The following CDH3 variants were observed in gnomAD, a reference collection of about 807,000 sequenced individuals.
CDH3 encodes the protein cadherin-3.
A neutral mutation model predicts 82.0 loss-of-function variants in CDH3; 54 were observed. The observed-to-expected ratio is 0.66, with a 90% CI of 0.53 to 0.83. The LOEUF (loss-of-function observed/expected upper bound fraction) is 0.83, where lower values mean the gene tolerates loss of function less well. CDH3 is among the 40% of genes least tolerant of loss of function. The pLI is 0.00. For synonymous variants in CDH3, 446 were observed against 437.9 expected (o/e 1.02, Z -0.23); for missense variants, 1,054 against 1,084.6 (o/e 0.97, Z 0.40).
intron 11 of CDH3, among the ~76,000 whole-genome samples, 195 bp downstream of exon 11, chr16:68,685,545 C>A (rs1363856444): frequency 6.6e-6 from 1 of 152,210 alleles, no homozygotes; most frequent in East Asian, 1.9e-4. Context: ...GTGGCTCATG[C>A]CTGTAATCCC....
At chr16:68,678,723 G>T (rs1357876841) in intron 5 of CDH3, 39 bp from the exon 6 acceptor site, 1 of 1,614,088 alleles carries the variant, frequency 6.2e-7, no homozygotes, top group Admixed American at 1.7e-5. Flanking sequence ...TGGTGAGGTG[G>T]GTGGCACCGG....
chr16:68,658,591 CTTG>C (rs141638403), intron 2 of CDH3, among the ~76,000 whole-genome samples: 4,107 of 152,142 alleles, frequency 0.027, 182 homozygotes, highest in African/African-American at 0.093. Flanking sequence ...CGTGCCCCAT[CTTG>C]TTGTAACTTC....
chr16:68,677,930 T>C (rs1961077457), intron 3 of CDH3, among the ~76,000 whole-genome samples: 1 of 151,964 alleles, frequency 6.6e-6, no homozygotes, highest in South Asian at 2.1e-4. Flanking sequence ...CCTTAACTTT[T>C]TTTTTTTTTT....
At chr16:68,657,986 C>T (rs1005067259) in intron 2 of CDH3, among the ~76,000 whole-genome samples, 5 of 151,926 alleles carry the variant, frequency 3.3e-5, no homozygotes, top group African/African-American at 7.3e-5. Context: ...AGAGTGCATG[C>T]GCATCTTTCT....
intron 12 of CDH3, among the ~76,000 whole-genome samples, chr16:68,689,491 G>A (rs1238972699): frequency 1.3e-5 from 2 of 151,290 alleles, no homozygotes; most frequent in Admixed American, 6.6e-5. Flanking sequence ...AGCCAAGATC[G>A]CGCCACTGCA....
rs142559220 is a variant in CDH3, at chr16:68,709,371, G to A, written c.100-13054G>A. Reference sequence around the variant, plus strand: ...ACAGGCACGAGCCCCTGCACCCGGCGCAGAAGCACTCTTGTCAATTAGAGT... The same window carrying A: ...ACAGGCACGAGCCCCTGCACCCGGCACAGAAGCACTCTTGTCAATTAGAGT... On this transcript the variant is annotated intron_variant, in intron 1 of 2. Coordinates refer to the CDH3 transcript ENST00000569080. 1.8e-3 allele frequency among the ~76,000 whole-genome samples: 276 copies of A among 152,060 alleles called. 1 individual carries two copies. Among genetic ancestry groups the A allele is most frequent in the Middle Eastern group, 0.014 (4 of 294 alleles).
In CDH3 at chr16:68,672,147, T is replaced by C. The variant is rs927623181; in HGVS notation, c.161-4238T>C. On this transcript the variant is annotated intron_variant, in intron 2 of 15. Coordinates refer to ENST00000264012, the MANE Select transcript of CDH3 (RefSeq NM_001793.6). ...GGCGGAGCCTGCAGTGAGCCGAGAT[T>C]GCGCCACTGCACTCCAGCCTGGGCG... is the stretch of plus-strand genomic sequence containing the variant. 7.3e-5 allele frequency among the ~76,000 whole-genome samples: 11 copies of C among 149,848 alleles called. No individual in the cohort carries two copies. In the East Asian group the frequency reaches 2.1e-3, roughly 28 times the overall value.
At chr16:68,662,777 A>ACCTCGTGATCCACCTG (rs1960625066) in intron 2 of CDH3, among the ~76,000 whole-genome samples, 1 of 147,626 alleles carries the variant, frequency 6.8e-6, no homozygotes, top group Admixed American at 6.8e-5. Flanking sequence ...CGATCTCCTG[A>ACCTCGTGATCCACCTG]CCTCGTGATC....
At chr16:68,667,080 G>A (rs1035030808) in intron 2 of CDH3, among the ~76,000 whole-genome samples, 4 of 152,014 alleles carry the variant, frequency 2.6e-5, no homozygotes, top group African/African-American at 9.7e-5. Flanking sequence ...AGCAGCACCC[G>A]GTTCCCAACT....
intron 9 of CDH3, among the ~76,000 whole-genome samples, chr16:68,682,866 C>T (rs1961271205): frequency 6.6e-6 from 1 of 152,014 alleles, no homozygotes. Flanking sequence ...TTTTGAATCA[C>T]TGAGGCACAC....
intron 2 of CDH3, among the ~76,000 whole-genome samples, chr16:68,675,830 T>C (rs185576595): frequency 6.0e-5 from 9 of 150,870 alleles, no homozygotes; most frequent in Non-Finnish European, 8.9e-5. Flanking sequence ...AAGTGGGGGA[T>C]AATACCTACC....
intron 2 of CDH3, among the ~76,000 whole-genome samples, chr16:68,662,620 G>A (rs951903015): frequency 1.5e-4 from 21 of 138,700 alleles, no homozygotes; most frequent in Admixed American, 1.4e-3. Flanking sequence ...CGATCTCACT[G>A]CAAGAAGCTC....
chr16:68,727,857 C>T (rs1409656949), downstream of CDH3, among the ~76,000 whole-genome samples: 2 of 151,902 alleles, frequency 1.3e-5, no homozygotes, highest in Admixed American at 6.6e-5. Context: ...TGCAATGAGC[C>T]GAGATCACGC....
intron 12 of CDH3, among the ~76,000 whole-genome samples, chr16:68,688,225 G>T (rs1324229040): frequency 6.6e-6 from 1 of 151,764 alleles, no homozygotes; most frequent in Non-Finnish European, 1.5e-5. Flanking sequence ...ATCTGATTGA[G>T]GTTCTAGAGG....
rs149879372 is a variant in CDH3, at chr16:68,706,318, C to T, written c.99+10395C>T. 8.2e-4 allele frequency among the ~76,000 whole-genome samples: 124 copies of T among 151,754 alleles called. 1 individual carries two copies. In the South Asian group the frequency reaches 9.4e-3, roughly 11 times the overall value. On this transcript the variant is annotated intron_variant, in intron 1 of 2. Coordinates refer to the CDH3 transcript ENST00000569080. ...AGGGTGAGTCCCAGCCCAGGAGCAG[C>T]GGCCAGTGCCCTGCTCTACCCAGCC...
In CDH3 at chr16:68,699,605, T is replaced by G. The variant is rs2152108456; in HGVS notation, c.*1205T>G. 3 of 151,850 alleles carry G rather than the reference T, an allele frequency of 2.0e-5. No individual in the cohort carries two copies. The East Asian group carries it at 5.8e-4, about 29-fold the overall frequency. The allele number at this position is 151,850 out of a possible 1,614,324, so 9.4% of individuals were successfully genotyped here. ...TTCACGCCATTCTCCTGCCTCAGCC[T>G]CCCGAGTAGCTGGGACTACAGGTGC... is the stretch of plus-strand genomic sequence containing the variant. On this transcript the variant is annotated 3_prime_UTR_variant, in exon 16 of 16. Transcript: ENST00000264012.
chr16:68,653,228 ATTATTTTATT>A (rs1003560013), intron 2 of CDH3, among the ~76,000 whole-genome samples: 1 of 148,272 alleles, frequency 6.7e-6, no homozygotes, highest in Non-Finnish European at 1.5e-5. Context: ...TAATTTTTCA[ATTATTTTATT>A]TTATTTTATT....
intron 2 of CDH3, 51 bp downstream of exon 2, chr16:68,645,801 T>C: frequency 7.2e-7 from 1 of 1,389,078 alleles, no homozygotes; most frequent in Non-Finnish European, 9.9e-7. Flanking sequence ...GTGACCATTT[T>C]GGTGTGGACC....
At chr16:68,679,358 T>C (rs1597807301) in intron 6 of CDH3, among the ~76,000 whole-genome samples, 1 of 152,154 alleles carries the variant, frequency 6.6e-6, no homozygotes, top group South Asian at 2.1e-4. Flanking sequence ...CTTGAGAGCA[T>C]GGCAGCCACA....
Sources: allele counts gnomAD v4.1 joint callset (sites outside exome capture counted in the v4.1 genomes callset), GRCh38; gene constraint gnomAD v4.1.1; transcripts MANE v1.5; gene names NCBI Gene and HGNC (gene_info 2026-07-23, HGNC 2026-07-21).